Variants in SEL1L2 observed in about 807,000 individuals in gnomAD.
The protein encoded by SEL1L2 is SEL1L2 adaptor subunit of SYVN1 ubiquitin ligase, also known as protein sel-1 homolog 2.
Under a neutral mutation model 98.8 loss-of-function variants are expected in SEL1L2, and 89 were observed. The observed-to-expected ratio is 0.90, with a 90% confidence interval of 0.76 to 1.07. The LOEUF (loss-of-function observed/expected upper bound fraction) is 1.07. Ranked by LOEUF, SEL1L2 falls within the 50% of genes least tolerant of loss-of-function variation. The pLI is 0.00. For missense variants in SEL1L2, 788 were observed against 812.0 expected (o/e 0.97, Z 0.36); for synonymous variants, 262 against 278.5 (o/e 0.94, Z 0.59).
chr20:13,854,899 A>G (rs2056207096), intron 18 of SEL1L2, among the ~76,000 whole-genome samples: 1 of 151,960 alleles, frequency 6.6e-6, no homozygotes, highest in South Asian at 2.1e-4. Context: ...TAAAATACTA[A>G]AATTAGCTGG....
chr20:13,958,402 G>A (rs1374759254), intron 1 of SEL1L2, among the ~76,000 whole-genome samples: 1 of 152,044 alleles, frequency 6.6e-6, no homozygotes, highest in African/African-American at 2.4e-5. Context: ...AAATAAATGT[G>A]GTTATGTTAC....
intron 5 of SEL1L2, among the ~76,000 whole-genome samples, chr20:13,905,517 T>G (rs1198260246): frequency 2.0e-5 from 3 of 152,048 alleles, no homozygotes; most frequent in Non-Finnish European, 4.4e-5. Context: ...GGTTTCACCA[T>G]GTTAGCCAGA....
At chr20:13,992,838 G>T (rs116486458), upstream of SEL1L2, among the ~76,000 whole-genome samples, 2 of 152,058 alleles carry the variant, frequency 1.3e-5, no homozygotes, top group African/African-American at 2.4e-5. Context: ...GCAGGGAAAG[G>T]GGGTGGGAGG....
intron 1 of SEL1L2, among the ~76,000 whole-genome samples, chr20:13,975,565 C>A (rs747392109): frequency 2.6e-5 from 4 of 152,150 alleles, no homozygotes; most frequent in Non-Finnish European, 5.9e-5. Flanking sequence ...ATAATAAAAA[C>A]ATTTGAATGA....
intron 4 of SEL1L2, among the ~76,000 whole-genome samples, chr20:13,916,294 T>G (rs1600732497): frequency 6.6e-6 from 1 of 152,152 alleles, no homozygotes; most frequent in African/African-American, 2.4e-5. Context: ...GATAGAGGAA[T>G]GAGCGGGAAT....
intron 5 of SEL1L2, among the ~76,000 whole-genome samples, chr20:13,893,405 T>G (rs1021937667): frequency 6.6e-6 from 1 of 152,170 alleles, no homozygotes; most frequent in Non-Finnish European, 1.5e-5. Context: ...AGCCAAAAAT[T>G]GTCCTAAGAG....
In SEL1L2 at chr20:13,876,598, G is replaced by A. The variant is rs547295305; in HGVS notation, c.1027-483C>T. The stretch of plus-strand genomic sequence containing the variant: ...GAACCCTCCACCAGGCTACTCTGCA[G>A]CCACAGGAGGCCTCTCATCAGAGGT... On this transcript the variant is annotated intron_variant, in intron 11 of 19. Coordinates refer to ENST00000284951, the MANE Select transcript of SEL1L2 (RefSeq NM_025229.2). Among the ~76,000 whole-genome samples, 14 of 152,226 alleles carry A rather than the reference G, an allele frequency of 9.2e-5. No individual in the cohort carries two copies. The South Asian group carries it at 1.7e-3, about 18-fold the overall frequency.
In SEL1L2 at chr20:13,949,516, T is replaced by A. The variant is rs190291424; in HGVS notation, c.114+6560A>T. 6.5e-3 allele frequency among the ~76,000 whole-genome samples: 994 copies of A among 152,048 alleles called. 6 individuals are homozygous for A. Among genetic ancestry groups the A allele is most frequent in the Non-Finnish European group, 0.012 (795 of 67,968 alleles). ...CATCTCTACTAAAAATACAAAAAAT[T>A]AGCCAGGCGTGGTGGCAGGTGCCTG... On this transcript the variant is annotated intron_variant, in intron 2 of 19. Coordinates refer to ENST00000284951, the MANE Select transcript of SEL1L2 (RefSeq NM_025229.2).
chr20:13,869,750 A>G (rs1432127746), intron 13 of SEL1L2, among the ~76,000 whole-genome samples, 160 bp from the exon 14 acceptor site: 1 of 152,226 alleles, frequency 6.6e-6, no homozygotes, highest in Admixed American at 6.5e-5. Context: ...TTATTATATT[A>G]GACTCTATTA....
intron 1 of SEL1L2, among the ~76,000 whole-genome samples, chr20:13,974,708 T>C (rs1041416460): frequency 6.6e-6 from 1 of 152,004 alleles, no homozygotes; most frequent in Non-Finnish European, 1.5e-5. Context: ...CCTCAGGTGA[T>C]CTATCCGCCT....
rs1463352781 is a variant in SEL1L2, at chr20:13,884,219, G to A, written c.957+1128C>T. 2.0e-5 allele frequency among the ~76,000 whole-genome samples: 3 copies of A among 152,082 alleles called. No homozygotes were observed. The East Asian group carries it at 5.8e-4, about 29-fold the overall frequency. On this transcript the variant is annotated intron_variant, in intron 10 of 19. Transcript: ENST00000284951. ...CTTATAAAGTTGTTTCTATCACTTA[G>A]CCATTGGGACTATGTTGAAATAGGC... is the stretch of plus-strand genomic sequence containing the variant.
intron 14 of SEL1L2, among the ~76,000 whole-genome samples, chr20:13,868,952 C>A (rs2046053727): frequency 6.6e-6 from 1 of 151,970 alleles, no homozygotes; most frequent in African/African-American, 2.4e-5. Flanking sequence ...GGTGCCCATT[C>A]ATTTACTCTT....
At chr20:13,919,876 G>C (rs1600748786) in intron 3 of SEL1L2, among the ~76,000 whole-genome samples, 1 of 150,002 alleles carries the variant, frequency 6.7e-6, no homozygotes, top group East Asian at 2.0e-4. Context: ...AGTGAGCTGA[G>C]GTTGCACCAC....
chr20:13,888,131 T>G (rs1290609913), intron 6 of SEL1L2, 130 bp from the exon 7 acceptor site: 2 of 766,168 alleles, frequency 2.6e-6, no homozygotes, highest in East Asian at 5.3e-5. Context: ...AAAATAAATT[T>G]CAAATTTCAC....
At position 13,880,060 on chromosome 20, in the gene SEL1L2, G is replaced by A. The variant is rs559728243; in HGVS notation, c.958-2472C>T. Among the ~76,000 whole-genome samples the A allele has an allele frequency of 2.6e-5, 4 of 152,330 alleles. No individual in the cohort carries two copies. In the South Asian group the frequency reaches 6.2e-4, roughly 24 times the overall value. On this transcript the variant is annotated intron_variant, in intron 10 of 19. Coordinates refer to ENST00000284951, the MANE Select transcript of SEL1L2 (RefSeq NM_025229.2). ...TTGAATCCTCTGTACTTAGCATAGTGTGGGCTATATGTTAGGCACCAGGAA... is the reference window on the plus strand; with the variant it reads ...TTGAATCCTCTGTACTTAGCATAGTATGGGCTATATGTTAGGCACCAGGAA...
At chr20:13,968,129 T>C (rs1057175450) in intron 1 of SEL1L2, among the ~76,000 whole-genome samples, 1 of 152,240 alleles carries the variant, frequency 6.6e-6, no homozygotes, top group Non-Finnish European at 1.5e-5. Flanking sequence ...CTTCTTCAAG[T>C]GCAAAGATAG....
chr20:13,970,087 T>C (rs1397779666), intron 1 of SEL1L2, among the ~76,000 whole-genome samples: 1 of 152,202 alleles, frequency 6.6e-6, no homozygotes, highest in Non-Finnish European at 1.5e-5. Flanking sequence ...TTAAAAATGT[T>C]GTTTGATTAA....
intron 2 of SEL1L2, 79 bp from the exon 3 acceptor site, chr20:13,931,850 A>G: frequency 8.1e-6 from 10 of 1,237,394 alleles, no homozygotes; most frequent in Non-Finnish European, 9.8e-6. Context: ...GTGAAAATTC[A>G]TATATTCATG....
At chr20:13,872,904 A>T (rs559772642) in intron 12 of SEL1L2, among the ~76,000 whole-genome samples, 3 of 152,152 alleles carry the variant, frequency 2.0e-5, no homozygotes, top group Non-Finnish European at 4.4e-5. Context: ...GTGTGAAGGC[A>T]GCAGCAGCTC....
Sources: gnomAD v4.1 joint callset for allele counts (sites outside exome capture counted in the v4.1 genomes callset) on GRCh38, gnomAD v4.1.1 for gene constraint, MANE v1.5 for transcripts, NCBI Gene and HGNC (gene_info 2026-07-23, HGNC 2026-07-21) for gene names.